Variants in TMEM182 observed in about 807,000 individuals in gnomAD.
TMEM182 encodes the protein transmembrane protein 182.
Under a neutral mutation model 26.8 loss-of-function variants are expected in TMEM182, and 20 were observed. The ratio of observed to expected loss-of-function variants is 0.75; its 90% confidence interval spans 0.53 to 1.09. The LOEUF (loss-of-function observed/expected upper bound fraction) is 1.09, where lower values mean the gene tolerates loss of function less well. Ranked by LOEUF, TMEM182 falls within the 50% of genes least tolerant of loss-of-function variation. The pLI is 0.00. For synonymous variants in TMEM182, 109 were observed against 102.2 expected (o/e 1.07, Z -0.40); for missense variants, 277 against 275.5 (o/e 1.01, Z -0.04).
At position 102,763,484 on chromosome 2, in the gene TMEM182, T is replaced by G. The variant is rs561636898; in HGVS notation, c.232+798T>G. Among the ~76,000 whole-genome samples, 34 of 152,322 alleles carry G rather than the reference T, an allele frequency of 2.2e-4. 1 individual carries two copies. Among genetic ancestry groups the G allele is most frequent in the African/African-American group, 7.2e-4 (30 of 41,582 alleles). On this transcript the variant is annotated intron_variant, in intron 2 of 4. Coordinates refer to ENST00000412401, the MANE Select transcript of TMEM182 (RefSeq NM_144632.5). ...AAATCAAAGTATGGTATTTACATAA[T>G]AGTCAGGATTATGGAATATTTAATA...
intron 1 of TMEM182, among the ~76,000 whole-genome samples, chr2:102,755,396 G>A (rs752354913): frequency 1.3e-4 from 20 of 152,154 alleles, no homozygotes; most frequent in Non-Finnish European, 2.2e-4. Flanking sequence ...AATTAGGGAA[G>A]GCAGGGTGAA....
At chr2:102,833,771 G>A (rs1470982625) in intron 3 of TMEM182, among the ~76,000 whole-genome samples, 1 of 152,116 alleles carries the variant, frequency 6.6e-6, no homozygotes, top group Non-Finnish European at 1.5e-5. Flanking sequence ...AAGAGTACTG[G>A]TCAAGGACTT....
intron 4 of TMEM182, among the ~76,000 whole-genome samples, chr2:102,807,975 G>T (rs1014806492): frequency 7.9e-5 from 12 of 152,198 alleles, no homozygotes; most frequent in Admixed American, 7.9e-4. Flanking sequence ...TCATGCAAAG[G>T]CTAATTGGGA....
At chr2:102,767,583 G>A (rs1396550534) in intron 3 of TMEM182, among the ~76,000 whole-genome samples, 8 of 152,122 alleles carry the variant, frequency 5.3e-5, no homozygotes, top group Non-Finnish European at 8.8e-5. Flanking sequence ...CCCTCTATCA[G>A]AGTGCTCGTT....
At chr2:102,813,225 C>G (rs537189010) in intron 4 of TMEM182, among the ~76,000 whole-genome samples, 1 of 152,146 alleles carries the variant, frequency 6.6e-6, no homozygotes, top group African/African-American at 2.4e-5. Flanking sequence ...AGCCCTTCTT[C>G]TTTTGTGTTT....
chr2:102,759,148 A>T (rs867094014), upstream of TMEM182, among the ~76,000 whole-genome samples: 48 of 152,360 alleles, frequency 3.2e-4, no homozygotes, highest in African/African-American at 1.1e-3. Context: ...TAATTAAAAA[A>T]AATCTACTTT....
intron 3 of TMEM182, among the ~76,000 whole-genome samples, chr2:102,782,597 A>G (rs1681218992): frequency 6.6e-6 from 1 of 152,188 alleles, no homozygotes; most frequent in South Asian, 2.1e-4. Context: ...CAAGGATTTC[A>G]TCTGAAGCCA....
rs61175945 is a variant in TMEM182, at chr2:102,812,384, T to TACACACAC, written c.470-2325_470-2318dup. On this transcript the variant is annotated intron_variant, in intron 4 of 4. Transcript: ENST00000412401. The stretch of plus-strand genomic sequence containing the variant: ...CTCTCTCTCTCTTTGTCTACACATG[T>TACACACAC]ACACACACACACACACACACACACA... 2.5e-3 allele frequency among the ~76,000 whole-genome samples: 355 copies of TACACACAC among 143,318 alleles called. 3 individuals are homozygous for TACACACAC. The highest frequency in any genetic ancestry group is 8.4e-3 in the African/African-American group (324 of 38,510). 94.0% of individuals were successfully genotyped at this position (143,318 alleles called of 152,430 possible).
intron 4 of TMEM182, among the ~76,000 whole-genome samples, chr2:102,810,647 G>GT (rs941689567): frequency 2.5e-4 from 38 of 152,198 alleles, no homozygotes; most frequent in Admixed American, 2.4e-3. Flanking sequence ...TCTTTCTGCA[G>GT]TTTCACTGTG....
intron 1 of TMEM182, among the ~76,000 whole-genome samples, chr2:102,750,261 A>G (rs944181677): frequency 6.6e-6 from 1 of 151,972 alleles, no homozygotes; most frequent in African/African-American, 2.4e-5. Context: ...TTCAGTGTTT[A>G]AAAAAAAGTG....
downstream of TMEM182, among the ~76,000 whole-genome samples, chr2:102,819,723 G>A (rs1464616920): frequency 6.6e-6 from 1 of 152,148 alleles, no homozygotes; most frequent in Non-Finnish European, 1.5e-5. Flanking sequence ...TATATTATAT[G>A]TGCATATACA....
intron 3 of TMEM182, among the ~76,000 whole-genome samples, chr2:102,775,975 A>T (rs1272320348): frequency 6.6e-6 from 1 of 152,128 alleles, no homozygotes; most frequent in Non-Finnish European, 1.5e-5. Flanking sequence ...TTTAAATTTC[A>T]TTCTCCATGT....
chr2:102,777,069 A>T lies in TMEM182; in HGVS notation c.331+12642A>T, dbSNP rs202193669. 4.4e-3 allele frequency among the ~76,000 whole-genome samples: 303 copies of T among 69,244 alleles called. 1 individual carries two copies. Among genetic ancestry groups the T allele is most frequent in the African/African-American group, 0.014 (269 of 18,824 alleles). 45.4% of individuals were successfully genotyped at this position (69,244 alleles called of 152,430 possible). A position where few individuals can be genotyped will look rare whatever the true frequency, so the allele number is the denominator to read the frequency against. On this transcript the variant is annotated intron_variant, in intron 3 of 4. Coordinates refer to ENST00000412401, the MANE Select transcript of TMEM182 (RefSeq NM_144632.5). ...AGTCCTTTATTGGATACATGTTTTTAAAAAAAAAATTATCCCAGTTTGTGG... is the reference window on the plus strand; with the variant it reads ...AGTCCTTTATTGGATACATGTTTTTTAAAAAAAAATTATCCCAGTTTGTGG...
At chr2:102,818,071 C>T (rs1315196152), downstream of TMEM182, among the ~76,000 whole-genome samples, 2 of 152,010 alleles carry the variant, frequency 1.3e-5, no homozygotes, top group African/African-American at 4.8e-5. Context: ...GTCTGAAGGT[C>T]GGTGGAATTG....
intron 3 of TMEM182, among the ~76,000 whole-genome samples, chr2:102,842,072 T>C (rs1468032529): frequency 6.6e-6 from 1 of 152,192 alleles, no homozygotes; most frequent in Non-Finnish European, 1.5e-5. Flanking sequence ...ATACATTCTG[T>C]TTATATAGTA....
At chr2:102,818,004 C>T (rs1682811526), downstream of TMEM182, among the ~76,000 whole-genome samples, 1 of 152,070 alleles carries the variant, frequency 6.6e-6, no homozygotes. Flanking sequence ...TACAAAGAGA[C>T]TTAGAATGTC....
intron 3 of TMEM182, among the ~76,000 whole-genome samples, chr2:102,786,210 G>GTTTTTTTTTTT (rs772846502): frequency 5.4e-5 from 5 of 91,796 alleles, no homozygotes; most frequent in Admixed American, 1.4e-4. Flanking sequence ...TCAGCAATCT[G>GTTTTTTTTTTT]TTTTTTTTTT....
intron 3 of TMEM182, among the ~76,000 whole-genome samples, chr2:102,786,680 T>G (rs1159831930): frequency 6.6e-6 from 1 of 152,244 alleles, no homozygotes; most frequent in Non-Finnish European, 1.5e-5. Flanking sequence ...TTGAATGAGT[T>G]TGCTTCACTC....
At chr2:102,759,897 C>G (rs1680155723), upstream of TMEM182, among the ~76,000 whole-genome samples, 1 of 152,198 alleles carries the variant, frequency 6.6e-6, no homozygotes, top group African/African-American at 2.4e-5. Context: ...CTTTCTCTCT[C>G]TGGCCACTCC....
Sources: allele counts gnomAD v4.1 joint callset (sites outside exome capture counted in the v4.1 genomes callset), GRCh38; gene constraint gnomAD v4.1.1; transcripts MANE v1.5; gene names NCBI Gene and HGNC (gene_info 2026-07-23, HGNC 2026-07-21).